The following DHDDS variants were observed in gnomAD, a reference collection of about 807,000 sequenced individuals.
The protein encoded by DHDDS is dehydrodolichyl diphosphate synthase subunit, also known as dehydrodolichyl diphosphate synthase complex subunit DHDDS.
In DHDDS, 16 loss-of-function variants were observed where a neutral mutation model predicts 46.2. The ratio of observed to expected loss-of-function variants is 0.35; its 90% confidence interval spans 0.23 to 0.53. The LOEUF (loss-of-function observed/expected upper bound fraction) is 0.53. Ranked by LOEUF, DHDDS falls within the 20% of genes least tolerant of loss-of-function variation. The pLI is 0.94. For missense variants in DHDDS, 340 were observed against 423.7 expected (o/e 0.80, Z 1.73); for synonymous variants, 151 against 163.1 (o/e 0.93, Z 0.56).
At chr1:26,463,797 C>T (rs1010740886) in intron 8 of DHDDS, among the ~76,000 whole-genome samples, 5 of 151,714 alleles carry the variant, frequency 3.3e-5, no homozygotes, top group Non-Finnish European at 5.9e-5. Context: ...TGAACCACCG[C>T]GACCGGCCTG....
chr1:26,433,692 A>C (rs2075125722), intron 2 of DHDDS, among the ~76,000 whole-genome samples: 1 of 151,690 alleles, frequency 6.6e-6, no homozygotes, highest in South Asian at 2.1e-4. Flanking sequence ...AAAAAAAAAA[A>C]AAGAGTTTGG....
intron 6 of DHDDS, among the ~76,000 whole-genome samples, chr1:26,448,807 G>C (rs960030360): frequency 6.6e-6 from 1 of 152,138 alleles, no homozygotes; most frequent in African/African-American, 2.4e-5. Flanking sequence ...CCAGAGCTGG[G>C]ACTCATATCT....
Position 26,436,195 on chromosome 1 carries a change from C to T in DHDDS, c.64-1973C>T, listed in dbSNP as rs1330937389. Among the ~76,000 whole-genome samples, 4 of 151,148 alleles carry T rather than the reference C, an allele frequency of 2.6e-5. No homozygotes were observed. In the East Asian group the frequency reaches 7.9e-4, roughly 30 times the overall value. ...AGTAGATCTCTTGATCCCAGGAGTT[C>T]GAGAGCAGCCTGGCCAACATGGTGA... On this transcript the variant is annotated intron_variant, in intron 2 of 8. Coordinates refer to ENST00000236342, the MANE Select transcript of DHDDS (RefSeq NM_205861.3).
intron 3 of DHDDS, 25 bp from the exon 4 acceptor site, chr1:26,442,706 A>G (rs1167835694): frequency 3.1e-6 from 5 of 1,613,680 alleles, no homozygotes; most frequent in Non-Finnish European, 4.2e-6. Context: ...CTTGTATCCT[A>G]GCTCCTTGCC....
chr1:26,452,161 T>C (rs548036539), intron 6 of DHDDS, among the ~76,000 whole-genome samples: 70 of 152,206 alleles, frequency 4.6e-4, no homozygotes, highest in Non-Finnish European at 9.0e-4. Context: ...TCCTTCCACC[T>C]CAGCTTCCTG....
chr1:26,438,390 C>T, intron 3 of DHDDS, 106 bp downstream of exon 3: 2 of 1,029,344 alleles, frequency 1.9e-6, no homozygotes, highest in South Asian at 2.6e-5. Flanking sequence ...TTTTTTGTAT[C>T]TGTCTCTGTG....
At chr1:26,446,475 G>C (rs1346992047) in intron 5 of DHDDS, 43 bp downstream of exon 5, 2 of 1,584,174 alleles carry the variant, frequency 1.3e-6, no homozygotes, top group African/African-American at 2.7e-5. Context: ...TTCAATCTTT[G>C]ATTCCCTGCT....
Position 26,469,070 on chromosome 1 carries a change from T to C in DHDDS, c.941T>C (p.Leu314Pro). The part of the protein sequence containing the change: ...ARREERVQGF[L>P]QALELKRADW... ...CGGGAAGAGCGAGTCCAAGGCTTCC[T>C]GCAGGCCTTGGAACTCAAGCGAGCT... Residue 314 changes from leucine (L) to proline (P), a missense_variant, in exon 9 of 9, where the codon CTG becomes CCG. By Grantham distance (98) the Leu-to-Pro change is moderately conservative (BLOSUM62 -3). Coordinates refer to ENST00000236342, the MANE Select transcript of DHDDS (RefSeq NM_205861.3). 6.2e-7 allele frequency: 1 copy of C among 1,613,638 alleles called. No homozygotes were observed. Among genetic ancestry groups the C allele is most frequent in the Non-Finnish European group, 8.5e-7 (1 of 1,180,036 alleles).
intron 6 of DHDDS, among the ~76,000 whole-genome samples, chr1:26,452,508 T>C (rs1296315244): frequency 6.6e-6 from 1 of 152,220 alleles, no homozygotes; most frequent in Non-Finnish European, 1.5e-5. Flanking sequence ...CTGTCTTTCT[T>C]ATAAAACAAT....
chr1:26,441,134 A>T (rs1006652822), intron 3 of DHDDS, among the ~76,000 whole-genome samples: 66 of 151,978 alleles, frequency 4.3e-4, no homozygotes, highest in Non-Finnish European at 1.0e-4. Flanking sequence ...CACGTTGGTC[A>T]GGCTGGTCTT....
At chr1:26,468,528 C>T (rs1290532823) in intron 8 of DHDDS, among the ~76,000 whole-genome samples, 1 of 152,152 alleles carries the variant, frequency 6.6e-6, no homozygotes, top group Non-Finnish European at 1.5e-5. Flanking sequence ...GGCACAACCC[C>T]CACTTTACAG....
At chr1:26,433,920 G>C (rs1196061295) in intron 2 of DHDDS, among the ~76,000 whole-genome samples, 2 of 152,046 alleles carry the variant, frequency 1.3e-5, no homozygotes, top group African/African-American at 4.8e-5. Context: ...ATTTTTAGTA[G>C]AGATGGGATT....
intron 3 of DHDDS, 105 bp from the exon 4 acceptor site, chr1:26,442,626 A>T: frequency 7.2e-7 from 1 of 1,384,086 alleles, no homozygotes; most frequent in Admixed American, 1.7e-5. Context: ...GGGAGGAGAA[A>T]AGTCTGTCTC....
chr1:26,468,713 C>T (rs1473867010), intron 8 of DHDDS, among the ~76,000 whole-genome samples, 182 bp from the exon 9 acceptor site: 1 of 152,176 alleles, frequency 6.6e-6, no homozygotes, highest in Non-Finnish European at 1.5e-5. Context: ...ACTGCCCTGC[C>T]TGTACAACAT....
Position 26,469,774 on chromosome 1 carries a change from C to A in DHDDS, c.*643C>A, listed in dbSNP as rs1458729331. On this transcript the variant is annotated 3_prime_UTR_variant, in exon 9 of 9. Coordinates refer to ENST00000236342, the MANE Select transcript of DHDDS (RefSeq NM_205861.3). ...TGCGCGGAAGCCAGGCGGGCGATTA[C>A]AATCCAATTACCTATTGTCGACTCA... 6.3e-6 allele frequency: 1 copy of A among 158,794 alleles called. No homozygotes were observed. Among genetic ancestry groups the A allele is most frequent in the African/African-American group, 2.4e-5 (1 of 41,476 alleles). The allele number at this position is 158,794 out of a possible 1,614,324, so 9.8% of individuals were successfully genotyped here.
chr1:26,447,713 G>C (rs757487649), intron 6 of DHDDS, 53 bp downstream of exon 6: 2 of 1,510,492 alleles, frequency 1.3e-6, no homozygotes, highest in South Asian at 2.3e-5. Context: ...GCCTGGGCCA[G>C]CATGGCAGCT....
At chr1:26,437,356 A>C (rs1264628988) in intron 2 of DHDDS, among the ~76,000 whole-genome samples, 1 of 152,170 alleles carries the variant, frequency 6.6e-6, no homozygotes, top group African/African-American at 2.4e-5. Context: ...AAATAAAAAT[A>C]AGTAGGCCAG....
At chr1:26,436,616 G>A (rs1371503780) in intron 2 of DHDDS, among the ~76,000 whole-genome samples, 1 of 151,586 alleles carries the variant, frequency 6.6e-6, no homozygotes, top group East Asian at 2.0e-4. Flanking sequence ...GTAGAGACGG[G>A]GTTTCACCGT....
At chr1:26,441,374 A>G (rs1399504877) in intron 3 of DHDDS, among the ~76,000 whole-genome samples, 1 of 151,172 alleles carries the variant, frequency 6.6e-6, no homozygotes, top group Non-Finnish European at 1.5e-5. Context: ...AAGTTTCTGT[A>G]TTTTTAGTAG....
Sources: allele counts gnomAD v4.1 joint callset (sites outside exome capture counted in the v4.1 genomes callset), GRCh38; gene constraint gnomAD v4.1.1; transcripts MANE v1.5; gene names NCBI Gene and HGNC (gene_info 2026-07-23, HGNC 2026-07-21).